Variants in FCHSD2 observed in about 807,000 individuals in gnomAD.
FCHSD2 encodes FCH and double SH3 domains 2.
Under a neutral mutation model 108.1 loss-of-function variants are expected in FCHSD2, and 38 were observed. The observed-to-expected ratio is 0.35, with a 90% CI of 0.27 to 0.46. FCHSD2 has a LOEUF of 0.46. Among genes scored for constraint, FCHSD2 ranks in the 20% least tolerant of loss-of-function variants. The pLI is 1.00. For missense variants in FCHSD2, 751 were observed against 897.8 expected (o/e 0.84, Z 2.09); for synonymous variants, 279 against 314.7 (o/e 0.89, Z 1.20).
chr11:72,914,963 A>ATTTTTTTTT (rs144998272), intron 9 of FCHSD2, among the ~76,000 whole-genome samples: 1 of 120,468 alleles, frequency 8.3e-6, no homozygotes, highest in Non-Finnish European at 1.6e-5. Context: ...CAGAATGGGA[A>ATTTTTTTTT]TTTTTTTTTT....
chr11:72,935,223 T>A (rs1856277166), intron 8 of FCHSD2, among the ~76,000 whole-genome samples: 1 of 152,114 alleles, frequency 6.6e-6, no homozygotes, highest in African/African-American at 2.4e-5. Flanking sequence ...AAGAAGAAGA[T>A]TATGATGAAT....
At chr11:72,938,350 G>T (rs1442229442) in intron 8 of FCHSD2, among the ~76,000 whole-genome samples, 1 of 152,162 alleles carries the variant, frequency 6.6e-6, no homozygotes, top group African/African-American at 2.4e-5. Context: ...GAGACTATTA[G>T]ACAAGGCTAT....
chr11:72,900,307 C>T (rs569298600), intron 10 of FCHSD2: 13 of 1,548,510 alleles, frequency 8.4e-6, no homozygotes, highest in Non-Finnish European at 1.0e-5. Context: ...TCAATATCCA[C>T]CAGTTGGGCG....
At chr11:73,098,537 T>A (rs756294247) in intron 2 of FCHSD2, among the ~76,000 whole-genome samples, 5 of 152,178 alleles carry the variant, frequency 3.3e-5, no homozygotes, top group Non-Finnish European at 7.3e-5. Flanking sequence ...GGTGGAGTGT[T>A]CTATATACAC....
At chr11:73,088,751 G>A (rs1859884403) in intron 2 of FCHSD2, among the ~76,000 whole-genome samples, 1 of 152,138 alleles carries the variant, frequency 6.6e-6, no homozygotes, top group East Asian at 1.9e-4. Flanking sequence ...CCAAGCAAAA[G>A]AGACTAACTA....
At chr11:73,016,810 C>G (rs970965154) in intron 3 of FCHSD2, among the ~76,000 whole-genome samples, 6 of 151,948 alleles carry the variant, frequency 3.9e-5, no homozygotes, top group Non-Finnish European at 7.4e-5. Flanking sequence ...AATTTGCCCA[C>G]TTACTATTAT....
intron 3 of FCHSD2, among the ~76,000 whole-genome samples, chr11:73,057,865 T>G (rs1391475935): frequency 6.6e-6 from 1 of 150,846 alleles, no homozygotes; most frequent in East Asian, 1.9e-4. Flanking sequence ...CCTCCAGGAC[T>G]GCCAATTCGG....
chr11:72,898,881 T>C (rs187753457), intron 10 of FCHSD2, among the ~76,000 whole-genome samples: 1 of 152,156 alleles, frequency 6.6e-6, no homozygotes, highest in Admixed American at 6.5e-5. Context: ...AGGTGTGTGC[T>C]ACCATGCCCA....
intron 2 of FCHSD2, among the ~76,000 whole-genome samples, chr11:73,096,149 T>C (rs1282903526): frequency 1.3e-5 from 2 of 151,722 alleles, no homozygotes; most frequent in Admixed American, 6.6e-5. Context: ...AGGAAAAACA[T>C]GGTAGCAGAA....
intron 3 of FCHSD2, among the ~76,000 whole-genome samples, chr11:73,056,913 T>C (rs1859038563): frequency 6.6e-6 from 1 of 151,882 alleles, no homozygotes; most frequent in Non-Finnish European, 1.5e-5. Flanking sequence ...AAACCCCATC[T>C]CTACTAAAAA....
chr11:73,086,487 G>C (rs1859820293), intron 2 of FCHSD2, among the ~76,000 whole-genome samples: 1 of 151,842 alleles, frequency 6.6e-6, no homozygotes, highest in Non-Finnish European at 1.5e-5. Context: ...ACTAGAAAAA[G>C]AACAAATTAA....
chr11:72,984,718 AAT>A (rs1430738806), intron 7 of FCHSD2, among the ~76,000 whole-genome samples: 2 of 152,234 alleles, frequency 1.3e-5, no homozygotes, highest in Non-Finnish European at 2.9e-5. Flanking sequence ...TCTGGCCCAG[AAT>A]ATCACTCAGG....
rs141200549 is a variant in FCHSD2, at chr11:72,941,304, C to T, written c.706-19354G>A. Among the ~76,000 whole-genome samples the T allele has an allele frequency of 9.5e-3, 1,440 of 151,960 alleles. 24 individuals carry two copies. Among genetic ancestry groups the T allele is most frequent in the African/African-American group, 0.032 (1,318 of 41,456 alleles). On this transcript the variant is annotated intron_variant, in intron 8 of 19. Transcript: ENST00000409418. ...TGTTAAATTATGAATTAATGAATGGCCTCAAATAAAAACCTTTGCTAAGTC... is the reference window on the plus strand; with the variant it reads ...TGTTAAATTATGAATTAATGAATGGTCTCAAATAAAAACCTTTGCTAAGTC...
chr11:73,086,752 T>C (rs1859826076), intron 2 of FCHSD2, among the ~76,000 whole-genome samples: 1 of 152,148 alleles, frequency 6.6e-6, no homozygotes, highest in African/African-American at 2.4e-5. Flanking sequence ...GTACAGAGTA[T>C]TATAAGCAAC....
At chr11:72,913,680 C>T (rs1855809699) in intron 9 of FCHSD2, among the ~76,000 whole-genome samples, 1 of 152,096 alleles carries the variant, frequency 6.6e-6, no homozygotes, top group Non-Finnish European at 1.5e-5. Flanking sequence ...TCCTTTTTCA[C>T]TTCTGATTTT....
At chr11:72,905,482 A>G (rs1241738505) in intron 9 of FCHSD2, among the ~76,000 whole-genome samples, 1 of 152,212 alleles carries the variant, frequency 6.6e-6, no homozygotes, top group East Asian at 1.9e-4. Flanking sequence ...GTACATAGGC[A>G]CAACGTGCAG....
At chr11:72,844,503 C>T (rs557423798) in intron 14 of FCHSD2, among the ~76,000 whole-genome samples, 1 of 152,252 alleles carries the variant, frequency 6.6e-6, no homozygotes, top group East Asian at 1.9e-4. Context: ...AGCAGCAATC[C>T]ACCAGCATCA....
intron 16 of FCHSD2, 36 bp downstream of exon 16, chr11:72,843,115 G>A (rs749593246): frequency 4.1e-5 from 65 of 1,601,936 alleles, no homozygotes; most frequent in Non-Finnish European, 5.0e-5. Context: ...TAGGTCAAAC[G>A]TGACCAAATA....
At chr11:72,955,851 T>C (rs960295116) in intron 8 of FCHSD2, among the ~76,000 whole-genome samples, 1 of 152,210 alleles carries the variant, frequency 6.6e-6, no homozygotes, top group Non-Finnish European at 1.5e-5. Flanking sequence ...AGACCAAACA[T>C]GTATTTCAAA....
Sources: allele counts gnomAD v4.1 joint callset (sites outside exome capture counted in the v4.1 genomes callset), GRCh38; gene constraint gnomAD v4.1.1; transcripts MANE v1.5; gene names NCBI Gene and HGNC (gene_info 2026-07-23, HGNC 2026-07-21).